Variants in MAPK10 observed in about 807,000 individuals in gnomAD.
MAPK10 encodes the protein mitogen-activated protein kinase 10, also known as JNK3 alpha protein kinase.
MAPK10 carries 25 observed loss-of-function variants against 59.3 expected under a neutral mutation model. That is an observed-to-expected ratio of 0.42 (90% CI 0.31 to 0.59). The LOEUF (loss-of-function observed/expected upper bound fraction) is 0.59. MAPK10 is among the 20% of genes least tolerant of loss of function. The probability of loss-of-function intolerance (pLI) is 0.15; values close to 1 mark genes in which losing one functional copy is unlikely to be tolerated. For missense variants in MAPK10, 351 were observed against 568.9 expected, an observed-to-expected ratio of 0.62 and a Z score of 3.90; for synonymous variants, 190 against 200.5, an observed-to-expected ratio of 0.95 and a Z score of 0.44.
At chr4:86,578,019 A>G (rs750652746) in intron 1 of MAPK10, among the ~76,000 whole-genome samples, 24 of 152,284 alleles carry the variant, frequency 1.6e-4, no homozygotes, top group Admixed American at 3.9e-4. Flanking sequence ...TTAATAAGGT[A>G]GTAATTTCTA....
intron 1 of MAPK10, chr4:86,358,308 G>A (rs970576857): frequency 2.0e-6 from 2 of 985,326 alleles, no homozygotes; most frequent in Non-Finnish European, 2.4e-6. Flanking sequence ...TCCAGGGTCC[G>A]ACAACTAGCC....
chr4:86,258,103 T>C (rs1253863763), intron 2 of MAPK10, among the ~76,000 whole-genome samples: 1 of 152,166 alleles, frequency 6.6e-6, no homozygotes, highest in Admixed American at 6.5e-5. Context: ...ACTCTGAAAA[T>C]TGGTCTGCAG....
chr4:86,338,898 A>G (rs1188355663), intron 2 of MAPK10, among the ~76,000 whole-genome samples: 5 of 152,112 alleles, frequency 3.3e-5, no homozygotes, highest in Admixed American at 3.3e-4. Context: ...TCCCTACCTG[A>G]CACAGTATTA....
chr4:86,277,825 C>T (rs144551541), intron 2 of MAPK10, among the ~76,000 whole-genome samples: 24 of 152,174 alleles, frequency 1.6e-4, no homozygotes, highest in African/African-American at 4.6e-4. Context: ...TGTTAACAAA[C>T]GGTTTACCAA....
At chr4:86,414,989 T>C (rs1745675793) in intron 1 of MAPK10, among the ~76,000 whole-genome samples, 1 of 151,836 alleles carries the variant, frequency 6.6e-6, no homozygotes, top group Non-Finnish European at 1.5e-5. Flanking sequence ...AATAAAAAAA[T>C]TAGCCAGGTG....
intron 9 of MAPK10, among the ~76,000 whole-genome samples, chr4:86,083,246 A>G (rs1405446497): frequency 6.6e-6 from 1 of 152,062 alleles, no homozygotes; most frequent in Non-Finnish European, 1.5e-5. Flanking sequence ...AGGACCAAAA[A>G]TCAGATGACC....
At chr4:86,358,771 A>G in intron 1 of MAPK10, 1 of 152,196 alleles carries the variant, frequency 6.6e-6, no homozygotes, top group East Asian at 1.9e-4. Context: ...TGAAGGCACA[A>G]ATACATAGAT....
At chr4:86,071,532 C>T (rs1301559599) in intron 9 of MAPK10, among the ~76,000 whole-genome samples, 111 of 147,298 alleles carry the variant, frequency 7.5e-4, no homozygotes, top group African/African-American at 2.8e-3. Flanking sequence ...TTAGGTCTAA[C>T]GTTTAAGTCT....
chr4:86,403,816 T>C (rs1270645419), intron 1 of MAPK10, among the ~76,000 whole-genome samples: 1 of 152,132 alleles, frequency 6.6e-6, no homozygotes, highest in Non-Finnish European at 1.5e-5. Flanking sequence ...CCTTGACACA[T>C]GGGGATTACA....
At chr4:86,074,164 CT>C (rs908015783) in intron 9 of MAPK10, among the ~76,000 whole-genome samples, 2 of 116,974 alleles carry the variant, frequency 1.7e-5, no homozygotes, top group African/African-American at 7.5e-5. Context: ...TTCTTTGTCT[CT>C]TTTGATCTTT....
At chr4:86,216,066 T>C (rs2148622349) in intron 2 of MAPK10, among the ~76,000 whole-genome samples, 1 of 152,042 alleles carries the variant, frequency 6.6e-6, no homozygotes, top group Non-Finnish European at 1.5e-5. Context: ...CAGCAGTACC[T>C]TAAAAAATGA....
chr4:86,341,116 A>T (rs1180928474), intron 2 of MAPK10, among the ~76,000 whole-genome samples: 1 of 152,222 alleles, frequency 6.6e-6, no homozygotes, highest in African/African-American at 2.4e-5. Flanking sequence ...CCAATGATAT[A>T]CTTAGCCAAA....
At chr4:86,060,684 C>T (rs1277223866) in intron 11 of MAPK10, among the ~76,000 whole-genome samples, 1 of 152,106 alleles carries the variant, frequency 6.6e-6, no homozygotes. Context: ...CAAAAATCTC[C>T]TACTGATAAT....
chr4:86,548,007 G>C (rs2149098402), intron 1 of MAPK10, among the ~76,000 whole-genome samples: 1 of 152,292 alleles, frequency 6.6e-6, no homozygotes, highest in Non-Finnish European at 1.5e-5. Flanking sequence ...AATAAAAGCA[G>C]GCTGCCTGAT....
chr4:86,430,361 C>T (rs1298940309), intron 1 of MAPK10, among the ~76,000 whole-genome samples: 2 of 152,130 alleles, frequency 1.3e-5, no homozygotes, highest in Non-Finnish European at 2.9e-5. Context: ...CTTTGTCTAC[C>T]GCCCAACTCT....
rs138876453 is a variant in MAPK10, at chr4:86,277,315, C to G, written c.-7+77215G>C. On this transcript the variant is annotated intron_variant, in intron 2 of 13. Coordinates refer to ENST00000641462, the MANE Select transcript of MAPK10 (RefSeq NM_138982.4). Reference sequence around the variant, plus strand: ...GCCTAATGGCTTCTCTCCTACTTCCCTATTACCCACTGGGGGGAAGAAAAA... The same window carrying G: ...GCCTAATGGCTTCTCTCCTACTTCCGTATTACCCACTGGGGGGAAGAAAAA... The G allele has an allele frequency of 5.3e-5, 8 of 152,202 alleles. No homozygotes were observed. In the East Asian group the frequency reaches 1.5e-3, roughly 29 times the overall value. 9.4% of individuals were successfully genotyped at this position (152,202 alleles called of 1,614,324 possible).
intron 1 of MAPK10, among the ~76,000 whole-genome samples, chr4:86,532,052 AT>A (rs1187877013): frequency 9.5e-5 from 14 of 147,624 alleles, no homozygotes; most frequent in South Asian, 2.1e-4. Flanking sequence ...TATATATATT[AT>A]TTTTTATATA....
chr4:86,314,504 A>G (rs1023321105), intron 2 of MAPK10, among the ~76,000 whole-genome samples: 2 of 151,938 alleles, frequency 1.3e-5, no homozygotes, highest in Non-Finnish European at 2.9e-5. Flanking sequence ...TTCACCTCCC[A>G]CCATGATTCT....
intron 3 of MAPK10, among the ~76,000 whole-genome samples, chr4:86,175,321 GA>G (rs2149269413): frequency 6.6e-6 from 1 of 152,232 alleles, no homozygotes; most frequent in South Asian, 2.1e-4. Flanking sequence ...TTAAGAATCT[GA>G]AACACTAAAG....
Sources: gnomAD v4.1 joint callset for allele counts (sites outside exome capture counted in the v4.1 genomes callset) on GRCh38, gnomAD v4.1.1 for gene constraint, MANE v1.5 for transcripts, NCBI Gene and HGNC (gene_info 2026-07-23, HGNC 2026-07-21) for gene names.